Variants in SI observed in about 807,000 individuals in gnomAD.
The protein encoded by SI is sucrase-isomaltase, also known as sucrase-isomaltase, intestinal.
Under a neutral mutation model 253.3 loss-of-function variants are expected in SI, and 235 were observed. That is an observed-to-expected ratio of 0.93 (90% CI 0.83 to 1.03). The LOEUF (loss-of-function observed/expected upper bound fraction) is 1.03, where lower values mean the gene tolerates loss of function less well. SI is among the 50% of genes least tolerant of loss of function. SI has a pLI of 0.00. For synonymous variants in SI, 819 were observed against 712.0 expected, an observed-to-expected ratio of 1.15 and a Z score of -2.39; for missense variants, 2,442 against 2,211.1, an observed-to-expected ratio of 1.10 and a Z score of -2.09.
chr3:165,070,122 T>A (rs909251441), intron 3 of SI, among the ~76,000 whole-genome samples: 32 of 146,682 alleles, frequency 2.2e-4, no homozygotes, highest in African/African-American at 6.6e-4. Flanking sequence ...AATATTTAAA[T>A]AGATAAGTAT....
intron 25 of SI, among the ~76,000 whole-genome samples, chr3:165,029,599 T>C (rs1022438344): frequency 2.7e-5 from 4 of 145,616 alleles, no homozygotes; most frequent in African/African-American, 9.9e-5. Context: ...TGTATATATA[T>C]ACATATATAT....
At chr3:165,076,857 A>G (rs1715015762) in intron 1 of SI, among the ~76,000 whole-genome samples, 1 of 151,508 alleles carries the variant, frequency 6.6e-6, no homozygotes, top group African/African-American at 2.4e-5. Context: ...TCAAGTTTCC[A>G]TGGATTATCT....
chr3:165,059,379 G>A, intron 10 of SI, 80 bp from the exon 11 acceptor site: 5 of 1,340,600 alleles, frequency 3.7e-6, no homozygotes, highest in East Asian at 2.3e-5. Context: ...TCCATTGAAC[G>A]TGTATTATAA....
the SI span, among the ~76,000 whole-genome samples, chr3:165,084,056 C>T: frequency 6.6e-6 from 1 of 152,040 alleles, no homozygotes; most frequent in Non-Finnish European, 1.5e-5. Context: ...AAAGATGATG[C>T]TATTAGGAAT....
intron 45 of SI, 101 bp from the exon 46 acceptor site, chr3:164,983,152 C>A (rs114299033): frequency 7.2e-6 from 8 of 1,113,810 alleles, no homozygotes; most frequent in South Asian, 2.8e-5. Flanking sequence ...TAAAAAGTAG[C>A]AAATATTATC....
chr3:165,010,360 C>A (rs895117506), intron 34 of SI, among the ~76,000 whole-genome samples: 3 of 152,062 alleles, frequency 2.0e-5, no homozygotes, highest in African/African-American at 7.2e-5. Context: ...GGGGTTTCAC[C>A]ATGTTGGTCA....
intron 12 of SI, among the ~76,000 whole-genome samples, chr3:165,058,060 T>TCA (rs542890971): frequency 2.2e-5 from 2 of 92,716 alleles, no homozygotes; most frequent in African/African-American, 6.4e-5. Flanking sequence ...ATATTTTTTT[T>TCA]TAAAAAATTG....
At chr3:165,047,407 T>G (rs1713182471) in intron 15 of SI, among the ~76,000 whole-genome samples, 1 of 152,076 alleles carries the variant, frequency 6.6e-6, no homozygotes, top group Non-Finnish European at 1.5e-5. Flanking sequence ...CCAATAAACC[T>G]CCTTCTTTAG....
At chr3:165,069,226 A>G (rs763466457) in intron 3 of SI, 31 bp from the exon 4 acceptor site, 1 of 1,301,870 alleles carries the variant, frequency 7.7e-7, no homozygotes, top group Non-Finnish European at 1.1e-6. Flanking sequence ...GAATTATATA[A>G]TTACTACTAT....
intron 30 of SI, 43 bp downstream of exon 30, chr3:165,017,718 T>C (rs1251665587): frequency 1.3e-5 from 20 of 1,599,210 alleles, no homozygotes; most frequent in Non-Finnish European, 1.7e-5. Context: ...TACTTTATGC[T>C]ATAAAAATTT....
In SI at chr3:165,017,639, G is replaced by A. The variant is rs2108175128; in HGVS notation, c.3668C>T (p.Ala1223Val). ...ATAACGACATAATTGGAATCCCAAA[G>A]CCCAATAAGCTGGCATGACTGGATG... ...IGHPVMPAYWALGFQLCRYGY... is the reference protein window; with the variant it reads ...IGHPVMPAYWVLGFQLCRYGY... The change falls in exon 31 of 48, where the codon GCT (alanine) becomes GTT (valine). Residue 1223 changes from alanine (A) to valine (V), a missense_variant. By Grantham distance (64) the Ala-to-Val change is moderately conservative. Coordinates refer to ENST00000264382, the MANE Select transcript of SI (RefSeq NM_001041.4). The A allele has an allele frequency of 6.2e-7, 1 of 1,612,574 alleles. No individual in the cohort carries two copies. The highest frequency in any genetic ancestry group is 1.3e-5 in the African/African-American group (1 of 74,912).
intron 47 of SI, among the ~76,000 whole-genome samples, chr3:164,979,666 A>T (rs1209964341): frequency 6.6e-6 from 1 of 151,752 alleles, no homozygotes; most frequent in African/African-American, 2.4e-5. Context: ...CTGTCAAAAG[A>T]TACTGAAAAA....
intron 37 of SI, among the ~76,000 whole-genome samples, chr3:165,002,074 T>G (rs1718281114): frequency 6.6e-6 from 1 of 151,608 alleles, no homozygotes; most frequent in African/African-American, 2.4e-5. Context: ...ATGTTTAATT[T>G]TCTAAGTCCT....
intron 6 of SI, among the ~76,000 whole-genome samples, chr3:165,065,721 A>T (rs570644574): frequency 1.5e-4 from 22 of 151,588 alleles, no homozygotes; most frequent in African/African-American, 4.8e-4. Flanking sequence ...TTCAAAGATG[A>T]CACAAACTGG....
intron 37 of SI, among the ~76,000 whole-genome samples, chr3:165,004,150 G>A (rs968605610): frequency 3.9e-5 from 6 of 151,952 alleles, no homozygotes; most frequent in African/African-American, 1.4e-4. Context: ...ATTTGAATAG[G>A]CATTTCTCAA....
At chr3:165,067,894 T>C (rs1479879481) in intron 5 of SI, among the ~76,000 whole-genome samples, 2 of 151,754 alleles carry the variant, frequency 1.3e-5, no homozygotes, top group Non-Finnish European at 1.5e-5. Flanking sequence ...AGAAATTTTG[T>C]TTAAAAAAAT....
At chr3:165,035,474 TAGGAG>T (rs1305168571) in intron 22 of SI, among the ~76,000 whole-genome samples, 1 of 151,690 alleles carries the variant, frequency 6.6e-6, no homozygotes, top group Non-Finnish European at 1.5e-5. Context: ...ATGTAAGTCT[TAGGAG>T]AGAATTATAG....
intron 21 of SI, among the ~76,000 whole-genome samples, chr3:165,037,651 T>C: frequency 6.6e-6 from 1 of 151,852 alleles, no homozygotes; most frequent in East Asian, 1.9e-4. Flanking sequence ...ATTATGCTAA[T>C]GTGGGTAAAT....
Position 165,006,935 on chromosome 3 carries a change from A to G in SI, c.4287T>C (p.Asp1429=), listed in dbSNP as rs1718540793. The G allele has an allele frequency of 3.1e-6, 5 of 1,610,732 alleles. No individual in the cohort carries two copies. Among genetic ancestry groups the G allele is most frequent in the African/African-American group, 1.3e-5 (1 of 74,848 alleles). ...PYFPELTKRT[D]GLHFRTICME... ...TGCAAATTGTTCTGAAATGTAATCCATCAGTTCTTTTTGTGAGTTCTGGAA... is the reference window on the plus strand; with the variant it reads ...TGCAAATTGTTCTGAAATGTAATCCGTCAGTTCTTTTTGTGAGTTCTGGAA... Residue 1429 remains aspartate (D), a synonymous_variant, in exon 37 of 48, where the codon GAT becomes GAC. Transcript: ENST00000264382.
Sources: allele counts gnomAD v4.1 joint callset (sites outside exome capture counted in the v4.1 genomes callset), GRCh38; gene constraint gnomAD v4.1.1; transcripts MANE v1.5; gene names NCBI Gene and HGNC (gene_info 2026-07-23, HGNC 2026-07-21).